SULT1B1: variants seen among roughly 807,000 people sequenced by gnomAD.
SULT1B1 encodes the protein sulfotransferase 1B1.
In SULT1B1, 28 loss-of-function variants were observed where a neutral mutation model predicts 34.6. The observed-to-expected ratio is 0.81, with a 90% CI of 0.60 to 1.11. SULT1B1 has a LOEUF of 1.11. Ranked by LOEUF, SULT1B1 falls within the 50% of genes least tolerant of loss-of-function variation. The pLI is 0.00. For synonymous variants in SULT1B1, 147 were observed against 110.2 expected, an observed-to-expected ratio of 1.33 and a Z score of -2.09; for missense variants, 374 against 352.2, an observed-to-expected ratio of 1.06 and a Z score of -0.50.
intron 4 of SULT1B1, among the ~76,000 whole-genome samples, chr4:69,744,072 G>T (rs62305404): frequency 6.6e-6 from 1 of 151,996 alleles, no homozygotes; most frequent in African/African-American, 2.4e-5. Context: ...CCCTGCTTCC[G>T]CTGGCTTCGT....
chr4:69,758,667 G>A lies in SULT1B1; in HGVS notation c.-45+1792C>T, dbSNP rs1719282278. Among the ~76,000 whole-genome samples the A allele has an allele frequency of 2.0e-5, 3 of 152,074 alleles. No individual in the cohort carries two copies. In the South Asian group the frequency reaches 6.2e-4, roughly 32 times the overall value. ...TATGCAAAAGTGAATGAATATTGAGGGAGCTGATACCCTTTTCATACTGTC... is the reference window on the plus strand; with the variant it reads ...TATGCAAAAGTGAATGAATATTGAGAGAGCTGATACCCTTTTCATACTGTC... On this transcript the variant is annotated intron_variant, in intron 1 of 7. Transcript: ENST00000310613.
intron 7 of SULT1B1, among the ~76,000 whole-genome samples, chr4:69,730,092 C>A (rs550518575): frequency 2.0e-5 from 3 of 152,110 alleles, no homozygotes; most frequent in African/African-American, 7.2e-5. Context: ...CCATGGTTTT[C>A]TAAGTGATAT....
At chr4:69,743,407 G>T (rs73826831) in intron 4 of SULT1B1, among the ~76,000 whole-genome samples, 4,109 of 152,242 alleles carry the variant, frequency 0.027, 185 homozygotes, top group African/African-American at 0.094. Context: ...AGGGGAAGAA[G>T]TGCAGTCCCA....
At position 69,722,531 on chromosome 4, in the gene SULT1B1, A is replaced by T. The variant is rs1388171813; in HGVS notation, c.*4557T>A. On this transcript the variant is annotated 3_prime_UTR_variant, in exon 8 of 8. Transcript: ENST00000310613. ...TTCACAATACCTTTAGATAGTCAAG[A>T]TTAACTCCTATAAAATATGTTTCTG... 6.6e-6 allele frequency: 1 copy of T among 152,286 alleles called. No homozygotes were observed. Among genetic ancestry groups the T allele is most frequent in the East Asian group, 1.9e-4 (1 of 5,182 alleles). 9.4% of individuals were successfully genotyped at this position (152,286 alleles called of 1,614,324 possible).
At chr4:69,751,289 T>C (rs995613997) in intron 3 of SULT1B1, among the ~76,000 whole-genome samples, 33 of 152,244 alleles carry the variant, frequency 2.2e-4, no homozygotes, top group African/African-American at 5.8e-4. Flanking sequence ...CTCACATCTG[T>C]TGTTCCTTGT....
At chr4:69,756,352 T>C (rs186619518) in intron 1 of SULT1B1, among the ~76,000 whole-genome samples, 1 of 152,292 alleles carries the variant, frequency 6.6e-6, no homozygotes, top group Admixed American at 6.5e-5. Flanking sequence ...TCATTGATAA[T>C]TTTTTGTGTC....
intron 4 of SULT1B1, among the ~76,000 whole-genome samples, chr4:69,740,060 T>C (rs1016990131): frequency 1.3e-5 from 2 of 152,204 alleles, no homozygotes; most frequent in African/African-American, 4.8e-5. Context: ...TCCAAGTCTC[T>C]AGGAAGTTCC....
rs1370836593 is a variant in SULT1B1 at position 69,726,067 on chromosome 4, T to C, written c.*1021A>G. 1 of 100,082 alleles carries C rather than the reference T, an allele frequency of 1.0e-5. No individual in the cohort carries two copies. The highest frequency in any genetic ancestry group is 3.3e-4 in the East Asian group (1 of 3,056). The allele number at this position is 100,082 out of a possible 1,614,324, so 6.2% of individuals were successfully genotyped here. A position where few individuals can be genotyped will look rare whatever the true frequency, so the allele number is the denominator to read the frequency against. On this transcript the variant is annotated 3_prime_UTR_variant, in exon 8 of 8. Transcript: ENST00000310613. Reference sequence around the variant, plus strand: ...ATATATATATATATATATATATATATATATATATATATATAAATGTTCCAA... The same window carrying C: ...ATATATATATATATATATATATATACATATATATATATATAAATGTTCCAA...
At chr4:69,730,757 G>A (rs546288541) in intron 6 of SULT1B1, 76 bp from the exon 7 acceptor site, 93 of 1,368,876 alleles carry the variant, frequency 6.8e-5, no homozygotes, top group Admixed American at 1.4e-4. Context: ...TTTATAATCC[G>A]TTTTTTTAAA....
chr4:69,739,100 G>T (rs565770253), intron 4 of SULT1B1, among the ~76,000 whole-genome samples: 3 of 152,178 alleles, frequency 2.0e-5, no homozygotes, highest in Non-Finnish European at 4.4e-5. Context: ...TTCACAGCTG[G>T]TGTTGAGTGT....
At chr4:69,744,343 G>A (rs1376319202) in intron 4 of SULT1B1, among the ~76,000 whole-genome samples, 1 of 152,230 alleles carries the variant, frequency 6.6e-6, no homozygotes, top group Non-Finnish European at 1.5e-5. Context: ...ACACAGTGGA[G>A]GCTCTGGACC....
Position 69,749,792 on chromosome 4 carries a change from A to T in SULT1B1, c.304T>A (p.Ser102Thr). The change falls in exon 4 of 8, where the codon TCA (serine) becomes ACA (threonine). Residue 102 changes from serine to threonine, a missense_variant. Ser to Thr is a moderately conservative substitution (Grantham distance 58, BLOSUM62 1). Transcript: ENST00000310613. ...AGATGTGTTTTCACAATCCGGGGTG[A>T]TGGATTCTTCTCCAATTGTTCTATA... ...SGIEQLEKNP[S>T]PRIVKTHLPT... The T allele has an allele frequency of 1.2e-6, 2 of 1,613,604 alleles. No homozygotes were observed. The highest frequency in any genetic ancestry group is 2.2e-5 in the South Asian group (2 of 91,076).
Position 69,760,618 on chromosome 4 carries a change from A to G in SULT1B1, c.-204T>C, listed in dbSNP as rs1313424193. On this transcript the variant is annotated 5_prime_UTR_variant, in exon 1 of 8. Coordinates refer to ENST00000310613, the MANE Select transcript of SULT1B1 (RefSeq NM_014465.4). ...TTCAAGGTTTGATCTGAACGTAGCA[A>G]TCACTGAGTTTACAGGCAGCTAAGA... 1 of 152,170 alleles carries G rather than the reference A, an allele frequency of 6.6e-6. No homozygotes were observed. The highest frequency in any genetic ancestry group is 1.9e-4 in the East Asian group (1 of 5,188). 9.4% of individuals were successfully genotyped at this position (152,170 alleles called of 1,614,324 possible).
chr4:69,753,921 C>G (rs1461836155), intron 3 of SULT1B1, among the ~76,000 whole-genome samples: 1 of 152,198 alleles, frequency 6.6e-6, no homozygotes, highest in Non-Finnish European at 1.5e-5. Flanking sequence ...TATCTCAAGT[C>G]TGTTCTCTGT....
rs753446313 is a variant in SULT1B1, at chr4:69,730,553, T to A, written c.726A>T (p.Thr242=). Residue 242 remains threonine (T), a synonymous_variant, in exon 7 of 8, where the codon ACA becomes ACT. Transcript: ENST00000310613. ...VMKDNPLVNY[T]HLPTTVMDHS... ...GATCCATCACTGTAGTTGGTAGATGTGTATAATTTACCAAAGGATTGTCCT... is the reference window on the plus strand; with the variant it reads ...GATCCATCACTGTAGTTGGTAGATGAGTATAATTTACCAAAGGATTGTCCT... The A allele has an allele frequency of 1.9e-5, 31 of 1,612,822 alleles. No homozygotes were observed. The highest frequency in any genetic ancestry group is 2.6e-5 in the Non-Finnish European group (31 of 1,179,118).
At position 69,754,748 on chromosome 4, in the gene SULT1B1, T is replaced by C; in HGVS notation, c.199A>G (p.Ile67Val). ...ATAAAACCTCGCTTACATTTTTCAA[T>C]ATCTCCATCATTTAGAATCATGTCT... is the stretch of plus-strand genomic sequence containing the variant. Reference protein sequence around the residue: ...IIDMILNDGDIEKCKRGFITE... With the variant: ...IIDMILNDGDVEKCKRGFITE... Residue 67 changes from isoleucine to valine, a missense_variant, in exon 3 of 8, where the codon ATT becomes GTT. By Grantham distance (29) the Ile-to-Val change is conservative. Coordinates refer to ENST00000310613, the MANE Select transcript of SULT1B1 (RefSeq NM_014465.4). 2 of 1,613,164 alleles carry C rather than the reference T, an allele frequency of 1.2e-6. No homozygotes were observed. Among genetic ancestry groups the C allele is most frequent in the Non-Finnish European group, 1.7e-6 (2 of 1,179,316 alleles).
intron 3 of SULT1B1, among the ~76,000 whole-genome samples, chr4:69,753,900 A>C (rs1183137194): frequency 6.6e-6 from 1 of 152,186 alleles, no homozygotes; most frequent in Non-Finnish European, 1.5e-5. Context: ...TAACTAAACC[A>C]GCTGTTTCTA....
Position 69,754,790 on chromosome 4 carries a change from A to C in SULT1B1, c.157T>G (p.Trp53Gly). Reference sequence around the variant, plus strand: ...ATCATGTCTATAATTTCACTAACCCAAGTAGTACCTGTGACAAAAGGCAAC... The same window carrying C: ...ATCATGTCTATAATTTCACTAACCCCAGTAGTACCTGTGACAAAAGGCAAC... The part of the protein sequence containing the change: ...IATYPKSGTT[W>G]VSEIIDMILN... The change falls in exon 3 of 8, where the codon TGG becomes GGG. Residue 53 changes from tryptophan (W) to glycine (G), a missense_variant. Physicochemically the swap from Trp to Gly is radical, Grantham distance 184. Transcript: ENST00000310613. 1.2e-6 allele frequency: 2 copies of C among 1,610,360 alleles called. No homozygotes were observed.
chr4:69,727,294 AAG>A, intron 7 of SULT1B1, 94 bp from the exon 8 acceptor site: 1 of 781,980 alleles, frequency 1.3e-6, no homozygotes, highest in African/African-American at 1.8e-5. Context: ...GGCCTAAAGA[AAG>A]ACCTTCCTTT....
Sources: allele counts gnomAD v4.1 joint callset (sites outside exome capture counted in the v4.1 genomes callset), GRCh38; gene constraint gnomAD v4.1.1; transcripts MANE v1.5; gene names NCBI Gene and HGNC (gene_info 2026-07-23, HGNC 2026-07-21).